PCSK5: variants seen among roughly 807,000 people sequenced by gnomAD.
The protein encoded by PCSK5 is prohormone convertase 5.
Under a neutral mutation model 233.2 loss-of-function variants are expected in PCSK5, and 129 were observed. The observed-to-expected ratio is 0.55, with a 90% CI of 0.48 to 0.64. The LOEUF is 0.64. PCSK5 is among the 30% of genes least tolerant of loss of function. The pLI is 0.00. For missense variants in PCSK5, 2,076 were observed against 2,430.1 expected (o/e 0.85, Z 3.06); for synonymous variants, 825 against 879.2 (o/e 0.94, Z 1.09).
Position 76,361,026 on chromosome 9 carries a change from G to A in PCSK5, c.*2104G>A, listed in dbSNP as rs569331506. On this transcript the variant is annotated 3_prime_UTR_variant, in exon 38 of 38. Coordinates refer to ENST00000674117, the MANE Select transcript of PCSK5 (RefSeq NM_001372043.1). The stretch of plus-strand genomic sequence containing the variant: ...GATCATACATGTACATGTATGATAT[G>A]CCTCCAAAAATTTTGATCATTTAAA... 6.6e-6 allele frequency: 1 copy of A among 152,146 alleles called. No individual in the cohort carries two copies. The highest frequency in any genetic ancestry group is 2.1e-4 in the South Asian group (1 of 4,820). The allele number at this position is 152,146 out of a possible 1,614,324, so 9.4% of individuals were successfully genotyped here.
At chr9:76,222,883 A>C in intron 20 of PCSK5, among the ~76,000 whole-genome samples, 1 of 152,378 alleles carries the variant, frequency 6.6e-6, no homozygotes, top group East Asian at 1.9e-4. Flanking sequence ...TTTAATAAAA[A>C]TTATCTTCAC....
rs1485221369 is a variant in PCSK5, at chr9:76,360,914, G to T, written c.*1992G>T. 6.6e-6 allele frequency: 1 copy of T among 151,988 alleles called. No individual in the cohort carries two copies. The highest frequency in any genetic ancestry group is 1.5e-5 in the Non-Finnish European group (1 of 68,026). 9.4% of individuals were successfully genotyped at this position (151,988 alleles called of 1,614,324 possible). ...TTTAAAAATGCAAAAGCTATTCTCA[G>T]TTCACAGCATTACAAGAACAGGTGG... On this transcript the variant is annotated 3_prime_UTR_variant, in exon 38 of 38. Transcript: ENST00000674117.
chr9:76,147,913 A>G (rs1823506101), intron 10 of PCSK5, among the ~76,000 whole-genome samples: 1 of 152,100 alleles, frequency 6.6e-6, no homozygotes, highest in Non-Finnish European at 1.5e-5. Flanking sequence ...CAAACTTTGT[A>G]TCACTCGTAA....
intron 7 of PCSK5, among the ~76,000 whole-genome samples, chr9:76,076,778 A>T (rs1252589237): frequency 6.6e-6 from 1 of 152,220 alleles, no homozygotes; most frequent in Non-Finnish European, 1.5e-5. Context: ...TAATGTGGCA[A>T]AATTACATTA....
At chr9:76,284,955 A>G (rs10125136) in intron 24 of PCSK5, among the ~76,000 whole-genome samples, 19,755 of 152,234 alleles carry the variant, frequency 0.13, 1,691 homozygotes, top group African/African-American at 0.25. Context: ...ATACACACAC[A>G]TATATTAGCA....
chr9:76,089,442 T>C (rs1318217320), intron 7 of PCSK5, among the ~76,000 whole-genome samples: 1 of 152,240 alleles, frequency 6.6e-6, no homozygotes, highest in East Asian at 1.9e-4. Flanking sequence ...GTCCTAGTTA[T>C]ATGATACTGG....
chr9:75,890,217 G>T (rs1434752451), upstream of PCSK5, among the ~76,000 whole-genome samples: 1 of 152,184 alleles, frequency 6.6e-6, no homozygotes, highest in Non-Finnish European at 1.5e-5. Flanking sequence ...ATAAACAGCT[G>T]CTGAAAAGCA....
chr9:76,193,520 T>C (rs561832899), intron 20 of PCSK5: 57 of 545,864 alleles, frequency 1.0e-4, no homozygotes, highest in Non-Finnish European at 1.4e-4. Context: ...GATGGTGAAC[T>C]GTTTTGTCAG....
chr9:76,184,793 C>A, intron 17 of PCSK5, 36 bp downstream of exon 17: 8 of 1,176,016 alleles, frequency 6.8e-6, no homozygotes, highest in South Asian at 4.0e-5. Flanking sequence ...GTAACACAGC[C>A]CAAAGAGCTT....
intron 3 of PCSK5, among the ~76,000 whole-genome samples, chr9:76,021,869 T>A (rs1475740506): frequency 6.6e-6 from 1 of 152,312 alleles, no homozygotes. Context: ...ATGCCTCCGC[T>A]TCTAACTTTC....
chr9:76,349,454 T>C (rs1330279199), intron 35 of PCSK5, among the ~76,000 whole-genome samples: 1 of 152,198 alleles, frequency 6.6e-6, no homozygotes, highest in Non-Finnish European at 1.5e-5. Flanking sequence ...TTTATATCAC[T>C]ACAGGCAGCT....
intron 5 of PCSK5, among the ~76,000 whole-genome samples, chr9:76,057,089 TCTA>T (rs1210376946): frequency 7.9e-5 from 12 of 152,288 alleles, no homozygotes; most frequent in African/African-American, 2.4e-4. Flanking sequence ...TGGAGTAAAA[TCTA>T]CTAAAGTTTT....
intron 24 of PCSK5, among the ~76,000 whole-genome samples, chr9:76,289,112 C>T (rs992654119): frequency 6.6e-5 from 10 of 152,206 alleles, no homozygotes; most frequent in South Asian, 2.1e-4. Flanking sequence ...CAAGAGAGAG[C>T]GGACTTTGTA....
chr9:75,941,285 T>G (rs996553702), intron 2 of PCSK5, among the ~76,000 whole-genome samples: 1 of 152,162 alleles, frequency 6.6e-6, no homozygotes, highest in Non-Finnish European at 1.5e-5. Context: ...TCCAGCTGTG[T>G]GGGCTGATCC....
chr9:75,904,460 T>C (rs11144675), intron 1 of PCSK5, among the ~76,000 whole-genome samples: 47,608 of 151,922 alleles, frequency 0.31, 7,965 homozygotes, highest in African/African-American at 0.39. Context: ...ATTTCTCAAT[T>C]AAAAATGGGC....
Position 76,174,973 on chromosome 9 carries a change from ATTAT to A in PCSK5, c.1757-10_1757-7del, listed in dbSNP as rs764235708. On this transcript the variant is annotated splice_polypyrimidine_tract_variant and intron_variant, in intron 13 of 37. Coordinates refer to ENST00000674117, the MANE Select transcript of PCSK5 (RefSeq NM_001372043.1). ...AATTTGGTCATGCTGTGATTTCATT[ATTAT>A]TTCTCAAGGTAAATTGAAAGAATGG... 1 of 1,588,440 alleles carries A rather than the reference ATTAT, an allele frequency of 6.3e-7. No homozygotes were observed. Among genetic ancestry groups the A allele is most frequent in the South Asian group, 1.2e-5 (1 of 86,900 alleles).
At chr9:76,342,274 C>T (rs1246928853) in intron 35 of PCSK5, among the ~76,000 whole-genome samples, 1 of 152,012 alleles carries the variant, frequency 6.6e-6, no homozygotes, top group Admixed American at 6.6e-5. Flanking sequence ...AATTATTGCC[C>T]AGCCTCACTC....
intron 3 of PCSK5, among the ~76,000 whole-genome samples, chr9:76,004,351 GTA>G (rs1418839848): frequency 6.6e-6 from 1 of 152,012 alleles, no homozygotes; most frequent in African/African-American, 2.4e-5. Flanking sequence ...CTGTCAGGTG[GTA>G]TAATGTCAGA....
chr9:76,026,925 A>G (rs1218737245), intron 4 of PCSK5, 36 bp from the exon 5 acceptor site: 3 of 1,458,914 alleles, frequency 2.1e-6, no homozygotes, highest in Non-Finnish European at 2.9e-6. Context: ...ATGAATGTCC[A>G]TTTCCTTTCC....
Sources: gnomAD v4.1 joint callset for allele counts (sites outside exome capture counted in the v4.1 genomes callset) on GRCh38, gnomAD v4.1.1 for gene constraint, MANE v1.5 for transcripts, NCBI Gene and HGNC (gene_info 2026-07-23, HGNC 2026-07-21) for gene names.